DAB1: variants seen among roughly 807,000 people sequenced by gnomAD.
DAB1 encodes disabled homolog 1.
In DAB1, 15 loss-of-function variants were observed where a neutral mutation model predicts 64.6. The ratio of observed to expected loss-of-function variants is 0.23; its 90% CI spans 0.16 to 0.36. DAB1 has a LOEUF of 0.36. Among genes scored for constraint, DAB1 ranks in the 10% least tolerant of loss-of-function variants. DAB1 has a pLI of 1.00. For synonymous variants in DAB1, 235 were observed against 251.9 expected (o/e 0.93, Z 0.64); for missense variants, 596 against 706.7 (o/e 0.84, Z 1.78).
chr1:57,254,170 T>C (rs1669583914), intron 2 of DAB1, among the ~76,000 whole-genome samples: 1 of 152,138 alleles, frequency 6.6e-6, no homozygotes. Flanking sequence ...TTCCTAACGG[T>C]TTCCAAATTC....
intron 6 of DAB1, among the ~76,000 whole-genome samples, chr1:57,817,276 C>T (rs1651899053): frequency 6.6e-6 from 1 of 152,176 alleles, no homozygotes; most frequent in Non-Finnish European, 1.5e-5. Context: ...AGGCAAAGAT[C>T]CAAAGCATTG....
In DAB1 at chr1:58,342,060, A is replaced by G. The variant is rs907730214; in HGVS notation, n.309+1292T>C. On this transcript the variant is annotated intron_variant and non_coding_transcript_variant, in intron 4 of 20. Coordinates refer to the DAB1 transcript ENST00000485760. ...TGCCTTGGCCTCACAACTTCCATTC[A>G]TAAAATTAAAAAGCTGTGCATGATC... Among the ~76,000 whole-genome samples, 3 of 152,340 alleles carry G rather than the reference A, an allele frequency of 2.0e-5. No individual in the cohort carries two copies. The East Asian group carries it at 5.8e-4, about 29-fold the overall frequency.
chr1:57,552,896 T>C (rs957730779), intron 7 of DAB1, among the ~76,000 whole-genome samples: 1 of 152,130 alleles, frequency 6.6e-6, no homozygotes, highest in Non-Finnish European at 1.5e-5. Flanking sequence ...AAACAGATGA[T>C]GAAGACATTA....
chr1:57,922,096 C>T (rs1644815873), intron 5 of DAB1, among the ~76,000 whole-genome samples: 1 of 152,186 alleles, frequency 6.6e-6, no homozygotes, highest in Non-Finnish European at 1.5e-5. Flanking sequence ...TCTCTTTATT[C>T]CCTCATCTTG....
intron 5 of DAB1, among the ~76,000 whole-genome samples, chr1:57,918,035 T>C (rs539399074): frequency 6.6e-6 from 1 of 151,424 alleles, no homozygotes; most frequent in African/African-American, 2.4e-5. Context: ...ACCACTGCAC[T>C]CCAGCCGGGG....
At chr1:58,252,409 G>A (rs1660824998) in intron 4 of DAB1, among the ~76,000 whole-genome samples, 1 of 152,158 alleles carries the variant, frequency 6.6e-6, no homozygotes, top group Non-Finnish European at 1.5e-5. Flanking sequence ...CCTTCATCTA[G>A]TTAGAAGCAT....
chr1:57,682,610 C>T (rs998260616), intron 6 of DAB1, among the ~76,000 whole-genome samples: 2 of 151,910 alleles, frequency 1.3e-5, no homozygotes, highest in African/African-American at 4.8e-5. Flanking sequence ...CCATTCTCAC[C>T]ACAGACCACT....
At chr1:57,871,973 G>C (rs1161986502) in intron 1 of DAB1, among the ~76,000 whole-genome samples, 1 of 152,082 alleles carries the variant, frequency 6.6e-6, no homozygotes, top group Non-Finnish European at 1.5e-5. Context: ...AGGGGACTGT[G>C]ACTTGGAGCA....
At chr1:57,692,126 C>A (rs1311411593) in intron 6 of DAB1, among the ~76,000 whole-genome samples, 1 of 152,050 alleles carries the variant, frequency 6.6e-6, no homozygotes, top group Non-Finnish European at 1.5e-5. Flanking sequence ...GCAGAAGTCT[C>A]AAAGTCACGT....
At position 57,160,396 on chromosome 1, in the gene DAB1, A is replaced by T. The variant is rs115467971; in HGVS notation, c.68-14967T>A. Among the ~76,000 whole-genome samples, 378 of 152,316 alleles carry T rather than the reference A, an allele frequency of 2.5e-3. 2 individuals carry two copies. Among genetic ancestry groups the T allele is most frequent in the African/African-American group, 8.6e-3 (359 of 41,562 alleles). On this transcript the variant is annotated intron_variant, in intron 2 of 14. Coordinates refer to ENST00000371236, the MANE Select transcript of DAB1 (RefSeq NM_001365792.1). ...CCAAGTTCACAGAGCTAGCAAAGGCAGGGGCAGGTGTGCTAAAAAAGAAAG... is the reference window on the plus strand; with the variant it reads ...CCAAGTTCACAGAGCTAGCAAAGGCTGGGGCAGGTGTGCTAAAAAAGAAAG...
chr1:57,427,106 A>G (rs1044490955), upstream of DAB1, among the ~76,000 whole-genome samples: 1 of 151,544 alleles, frequency 6.6e-6, no homozygotes, highest in African/African-American at 2.4e-5. Context: ...CTCATGATCC[A>G]CCCGCCTCGG....
chr1:57,110,846 C>A (rs1205029124), intron 4 of DAB1, among the ~76,000 whole-genome samples: 12 of 152,008 alleles, frequency 7.9e-5, no homozygotes, highest in Admixed American at 7.9e-4. Flanking sequence ...AAACTGAGAT[C>A]TAAAGAGATG....
intron 5 of DAB1, among the ~76,000 whole-genome samples, chr1:57,999,580 G>A (rs933592573): frequency 5.3e-5 from 8 of 152,142 alleles, no homozygotes; most frequent in South Asian, 2.1e-4. Flanking sequence ...GCAGACACTT[G>A]GTAATGTCTA....
At chr1:58,119,334 A>G (rs147132550) in intron 5 of DAB1, among the ~76,000 whole-genome samples, 20 of 152,164 alleles carry the variant, frequency 1.3e-4, no homozygotes, top group African/African-American at 4.8e-4. Flanking sequence ...AACTGACAGA[A>G]TGCTACTTAT....
chr1:58,236,849 T>C (rs1293389433), intron 4 of DAB1, among the ~76,000 whole-genome samples: 2 of 152,250 alleles, frequency 1.3e-5, no homozygotes, highest in Non-Finnish European at 1.5e-5. Flanking sequence ...AACTTTACGT[T>C]GCTTTTACAG....
chr1:57,602,467 A>T (rs1645585991), intron 7 of DAB1, among the ~76,000 whole-genome samples: 1 of 152,190 alleles, frequency 6.6e-6, no homozygotes, highest in Non-Finnish European at 1.5e-5. Context: ...TAAGGAGGTC[A>T]TCCTAACCCT....
intron 7 of DAB1, among the ~76,000 whole-genome samples, chr1:57,532,282 T>A (rs1644673339): frequency 6.6e-6 from 1 of 151,928 alleles, no homozygotes; most frequent in African/African-American, 2.4e-5. Flanking sequence ...GCTGTCTTAT[T>A]GTACAACACA....
intron 1 of DAB1, chr1:57,386,666 G>A (rs1279802396): frequency 6.6e-6 from 1 of 152,058 alleles, no homozygotes; most frequent in Non-Finnish European, 1.5e-5. Context: ...CTGAGTCCTT[G>A]CTCCTGAAAT....
intron 4 of DAB1, among the ~76,000 whole-genome samples, chr1:57,128,883 C>T (rs187526233): frequency 6.6e-6 from 1 of 152,260 alleles, no homozygotes; most frequent in Non-Finnish European, 1.5e-5. Context: ...ATGCCACCGC[C>T]TGGAACTGGA....
Sources: allele counts gnomAD v4.1 joint callset (sites outside exome capture counted in the v4.1 genomes callset), GRCh38; gene constraint gnomAD v4.1.1; transcripts MANE v1.5; gene names NCBI Gene and HGNC (gene_info 2026-07-23, HGNC 2026-07-21).